Variants in CYREN observed in about 807,000 individuals in gnomAD.
CYREN encodes cell cycle regulator of NHEJ.
CYREN carries 7 observed loss-of-function variants against 9.7 expected under a neutral mutation model. That is an observed-to-expected ratio of 0.72 (90% CI 0.41 to 1.36). The LOEUF is 1.36. CYREN is among the 40% of genes most tolerant of loss of function. The pLI is 0.01. For synonymous variants in CYREN, 76 were observed against 77.9 expected, an observed-to-expected ratio of 0.98 and a Z score of 0.13; for missense variants, 215 against 198.1, an observed-to-expected ratio of 1.09 and a Z score of -0.51.
chr7:135,107,627 A>T (rs139793345), intron 2 of CYREN, among the ~76,000 whole-genome samples: 1 of 152,166 alleles, frequency 6.6e-6, no homozygotes, highest in African/African-American at 2.4e-5. Context: ...GAATTGTTTT[A>T]TGTCTGATTG....
intron 2 of CYREN, among the ~76,000 whole-genome samples, chr7:135,096,768 AAAGAAAG>A (rs1368633981): frequency 2.2e-4 from 34 of 151,424 alleles, no homozygotes; most frequent in African/African-American, 7.5e-4. Flanking sequence ...AGAAAGAAAG[AAAGAAAG>A]AAAGAAAGAA....
At chr7:135,123,235 C>T (rs906253386) in intron 2 of CYREN, among the ~76,000 whole-genome samples, 6 of 152,078 alleles carry the variant, frequency 3.9e-5, no homozygotes, top group Non-Finnish European at 1.5e-5. Flanking sequence ...AGCACAAGAA[C>T]CTTGTGAAGC....
At chr7:135,158,053 T>C (rs1446198558) in intron 2 of CYREN, among the ~76,000 whole-genome samples, 1 of 151,980 alleles carries the variant, frequency 6.6e-6, no homozygotes, top group African/African-American at 2.4e-5. Context: ...AGAGCATAGA[T>C]TCCTTGTTTC....
chr7:135,113,028 C>T (rs1825858283), intron 2 of CYREN, among the ~76,000 whole-genome samples: 1 of 152,210 alleles, frequency 6.6e-6, no homozygotes, highest in Admixed American at 6.5e-5. Context: ...CCATCTGCCT[C>T]AGCCTCCTAA....
upstream of CYREN, among the ~76,000 whole-genome samples, chr7:135,172,059 T>A (rs1450911810): frequency 6.6e-6 from 1 of 152,186 alleles, no homozygotes; most frequent in African/African-American, 2.4e-5. Flanking sequence ...ACATCTTTGT[T>A]CTGGTTTTGA....
chr7:135,129,342 G>A, intron 2 of CYREN: 2 of 1,105,832 alleles, frequency 1.8e-6, no homozygotes, highest in South Asian at 2.5e-5. Context: ...GAAATTAATA[G>A]ACTTACTAAA....
chr7:135,161,254 C>T (rs976463814), downstream of CYREN, among the ~76,000 whole-genome samples: 1 of 152,190 alleles, frequency 6.6e-6, no homozygotes, highest in Non-Finnish European at 1.5e-5. This position sits in a 1 kb window ranked among gnomAD's most constrained non-coding sequence, Gnocchi z 4.1. Flanking sequence ...GCAGGAGCTG[C>T]CGCAAGGTGG....
At position 135,166,526 on chromosome 7, in the gene CYREN, A is replaced by C; in HGVS notation, c.*85T>G. 1.3e-6 allele frequency: 2 copies of C among 1,506,296 alleles called. No homozygotes were observed. The highest frequency in any genetic ancestry group is 2.7e-5 in the South Asian group (2 of 74,804). 93.3% of individuals were successfully genotyped at this position (1,506,296 alleles called of 1,614,324 possible). On this transcript the variant is annotated 3_prime_UTR_variant, in exon 4 of 4. Transcript: ENST00000393114. ...TAGGAGCACAGAGAGCCCCATTCCC[A>C]CAGGCGGGCGGCCCAGCAGCACCAG...
intron 2 of CYREN, among the ~76,000 whole-genome samples, chr7:135,103,565 C>T (rs1824185510): frequency 6.6e-6 from 1 of 152,160 alleles, no homozygotes; most frequent in Non-Finnish European, 1.5e-5. Context: ...GAAAGGCCTT[C>T]AAGTTTCTGA....
chr7:135,093,257 G>A (rs1430757417), exon 3 of CYREN: 1 of 151,626 alleles, frequency 6.6e-6, no homozygotes, highest in African/African-American at 2.4e-5. Flanking sequence ...CTATTTGTAG[G>A]ATATATGTTC....
At chr7:135,148,766 C>T (rs894849235) in intron 2 of CYREN, among the ~76,000 whole-genome samples, 1 of 152,160 alleles carries the variant, frequency 6.6e-6, no homozygotes, top group Non-Finnish European at 1.5e-5. Context: ...GTGTTCTTGC[C>T]TCAAAGAATG....
In CYREN at chr7:135,166,686, A is replaced by AAG; in HGVS notation, c.398_399insCT (p.Ala134LeufsTer16). 6.2e-7 allele frequency: 1 copy of AAG among 1,612,170 alleles called. No individual in the cohort carries two copies. Among genetic ancestry groups the AAG allele is most frequent in the Non-Finnish European group, 8.5e-7 (1 of 1,179,954 alleles). On this transcript the variant is annotated frameshift_variant, in exon 4 of 4. Transcript: ENST00000393114. LOFTEE classifies it high-confidence loss of function. ...CCTCCTCAGGGCTCCTGCTACAGGCAGAGCTGGAACCCCCCGGCCTCTGGG... is the reference window on the plus strand; with the variant it reads ...CCTCCTCAGGGCTCCTGCTACAGGCAAGGAGCTGGAACCCCCCGGCCTCTGGG...
At position 135,168,878 on chromosome 7, in the gene CYREN, T is replaced by C; in HGVS notation, c.45A>G (p.Ser15=). 3.0e-5 allele frequency: 48 copies of C among 1,613,822 alleles called. No individual in the cohort carries two copies. The highest frequency in any genetic ancestry group is 4.1e-5 in the Non-Finnish European group (48 of 1,179,842). The part of the protein sequence containing the change: ...QSETKTRVLP[S]WLTAQVATKN... ...TTGTAGCCACCTGGGCTGTCAGCCA[T>C]GAGGGAAGGACCCTCGTTTTAGTCT... The change falls in exon 2 of 4, where the codon TCA becomes TCG. Residue 15 remains serine, a synonymous_variant. Coordinates refer to ENST00000393114, the MANE Select transcript of CYREN (RefSeq NM_024033.4).
At chr7:135,112,459 A>G (rs1825780736) in intron 2 of CYREN, among the ~76,000 whole-genome samples, 1 of 152,150 alleles carries the variant, frequency 6.6e-6, no homozygotes, top group Non-Finnish European at 1.5e-5. Flanking sequence ...TGATATCCCA[A>G]TTATTCTACA....
intron 2 of CYREN, chr7:135,094,652 T>G (rs1229814526): frequency 2.6e-6 from 1 of 390,258 alleles, no homozygotes; most frequent in Non-Finnish European, 5.0e-6. Flanking sequence ...AAGGGCCTAC[T>G]CTCTTAGGGT....
At chr7:135,159,408 G>A (rs966626463) in intron 2 of CYREN, among the ~76,000 whole-genome samples, 5 of 152,188 alleles carry the variant, frequency 3.3e-5, no homozygotes, top group African/African-American at 1.2e-4. Context: ...GTATGAAAAT[G>A]TTAGAGGTGC....
intron 2 of CYREN, among the ~76,000 whole-genome samples, chr7:135,152,358 AC>A (rs1829684775): frequency 6.6e-6 from 1 of 152,240 alleles, no homozygotes; most frequent in Admixed American, 6.5e-5. Flanking sequence ...GAGTTAATGC[AC>A]GTAAAGGGCC....
downstream of CYREN, chr7:135,164,437 T>C: frequency 6.3e-7 from 1 of 1,596,214 alleles, no homozygotes; most frequent in African/African-American, 1.3e-5. Context: ...CAGAGGGCAG[T>C]AGAGATGGCC....
chr7:135,105,551 G>A (rs1824569439), intron 2 of CYREN, among the ~76,000 whole-genome samples: 1 of 152,176 alleles, frequency 6.6e-6, no homozygotes, highest in Non-Finnish European at 1.5e-5. Context: ...TAGATGTGCA[G>A]CCTTATTTCT....
Sources: gnomAD v4.1 joint callset for allele counts (sites outside exome capture counted in the v4.1 genomes callset) on GRCh38, gnomAD v4.1.1 for gene constraint, Gnocchi (gnomAD v3.1) non-coding constraint, MANE v1.5 for transcripts, NCBI Gene and HGNC (gene_info 2026-07-23, HGNC 2026-07-21) for gene names.